RCBTB2: variants seen among roughly 807,000 people sequenced by gnomAD.
RCBTB2 encodes the protein RCC1 and BTB domain containing protein 2, also known as RCC1 and BTB domain-containing protein 2.
Under a neutral mutation model 65.4 loss-of-function variants are expected in RCBTB2, and 55 were observed. That is an observed-to-expected ratio of 0.84 (90% CI 0.68 to 1.05). The LOEUF (loss-of-function observed/expected upper bound fraction) is 1.05. RCBTB2 is among the 50% of genes least tolerant of loss of function. The pLI is 0.00. For missense variants in RCBTB2, 599 were observed against 680.1 expected (o/e 0.88, Z 1.33); for synonymous variants, 220 against 255.2 (o/e 0.86, Z 1.31).
At chr13:48,526,899 G>A (rs951655703) in intron 1 of RCBTB2, among the ~76,000 whole-genome samples, 2 of 152,132 alleles carry the variant, frequency 1.3e-5, no homozygotes, top group African/African-American at 4.8e-5. Context: ...CTGGGTGACA[G>A]AGTGAGACTC....
chr13:48,517,318 G>T (rs1013547386), intron 4 of RCBTB2, among the ~76,000 whole-genome samples: 2 of 152,124 alleles, frequency 1.3e-5, no homozygotes, highest in Non-Finnish European at 1.5e-5. Context: ...ACAAGTAAAT[G>T]AATGGCTGTG....
At chr13:48,522,886 C>T (rs1029438338) in intron 2 of RCBTB2, among the ~76,000 whole-genome samples, 1 of 151,958 alleles carries the variant, frequency 6.6e-6, no homozygotes, top group Non-Finnish European at 1.5e-5. Context: ...AAAATACAGC[C>T]AAGTCTAAAC....
In RCBTB2 at chr13:48,489,501, C is replaced by CT. The variant is rs1011299850; in HGVS notation, c.*609dup. The CT allele has an allele frequency of 1.1e-4, 17 of 152,264 alleles. No homozygotes were observed. The highest frequency in any genetic ancestry group is 4.1e-4 in the African/African-American group (17 of 41,550). The allele number at this position is 152,264 out of a possible 1,614,324, so 9.4% of individuals were successfully genotyped here. On this transcript the variant is annotated 3_prime_UTR_variant, in exon 15 of 15. Coordinates refer to ENST00000344532, the MANE Select transcript of RCBTB2 (RefSeq NM_001268.4). ...GCCTTGACAATTTAATTGCCAGGGCCTTTTGTCAATTCTAAACAATGTTCT... is the reference window on the plus strand; with the variant it reads ...GCCTTGACAATTTAATTGCCAGGGCCTTTTTGTCAATTCTAAACAATGTTCT...
chr13:48,519,259 G>A (rs1018831302), intron 4 of RCBTB2, among the ~76,000 whole-genome samples: 1 of 152,112 alleles, frequency 6.6e-6, no homozygotes, highest in Admixed American at 6.5e-5. Flanking sequence ...ACTCCTTAAG[G>A]AACAGGCAAT....
chr13:48,512,602 C>A, intron 7 of RCBTB2, 127 bp downstream of exon 7: 2 of 812,284 alleles, frequency 2.5e-6, no homozygotes, highest in Non-Finnish European at 3.8e-6. Context: ...TGAATTGCTA[C>A]CAAAAATAAG....
Position 48,521,912 on chromosome 13 carries a change from C to A in RCBTB2, c.28G>T (p.Gly10Ter). 6.2e-7 allele frequency: 1 copy of A among 1,613,734 alleles called. No individual in the cohort carries two copies. Among genetic ancestry groups the A allele is most frequent in the Non-Finnish European group, 8.5e-7 (1 of 1,179,826 alleles). The stretch of plus-strand genomic sequence containing the variant: ...TTTTTTCTAACCTTGCCACTGTCTC[C>A]AGAGAAAAGAGGAAGTTCTTCTTCC... The part of the protein sequence containing the change: MEEELPLFS[G>*]DSGKPVQATL... The change falls in exon 4 of 15, where the codon GGA becomes TGA. Residue 10 changes from glycine (G) to a stop codon, truncating the protein, a stop_gained. Transcript: ENST00000344532. LOFTEE classifies it high-confidence loss of function.
intron 10 of RCBTB2, among the ~76,000 whole-genome samples, chr13:48,508,375 G>GAA (rs1950607848): frequency 6.6e-6 from 1 of 151,962 alleles, no homozygotes; most frequent in South Asian, 2.1e-4. Context: ...ACGGAAAACA[G>GAA]AAAATCAGGA....
At chr13:48,508,104 AC>A (rs1465398294) in intron 10 of RCBTB2, among the ~76,000 whole-genome samples, 1 of 152,142 alleles carries the variant, frequency 6.6e-6, no homozygotes, top group Admixed American at 6.5e-5. Flanking sequence ...AAGAACTGAA[AC>A]CCACCCCACC....
At chr13:48,493,315 A>ACACACTCTCTCTCT (rs759504798) in intron 14 of RCBTB2, among the ~76,000 whole-genome samples, 6 of 75,028 alleles carry the variant, frequency 8.0e-5, no homozygotes, top group South Asian at 5.8e-4. Context: ...ACACACACAC[A>ACACACTCTCTCTCT]CTCTCTCTCT....
chr13:48,508,614 G>T (rs1329965808), intron 10 of RCBTB2, among the ~76,000 whole-genome samples: 1 of 152,142 alleles, frequency 6.6e-6, no homozygotes, highest in Non-Finnish European at 1.5e-5. Flanking sequence ...ATGTTGGCCA[G>T]GCTGGTCTCA....
intron 10 of RCBTB2, among the ~76,000 whole-genome samples, chr13:48,503,530 T>C (rs1382191345): frequency 6.7e-6 from 1 of 148,856 alleles, no homozygotes; most frequent in Non-Finnish European, 1.5e-5. Context: ...GATGAGGAGG[T>C]AATTCTCAGA....
chr13:48,494,376 C>T (rs1949881135), intron 14 of RCBTB2, among the ~76,000 whole-genome samples: 1 of 152,154 alleles, frequency 6.6e-6, no homozygotes, highest in Admixed American at 6.5e-5. Context: ...TACTTATAGT[C>T]TATTATACTA....
chr13:48,512,028 T>C lies in RCBTB2; in HGVS notation c.663A>G (p.Val221=). The change falls in exon 8 of 15, where the codon GTA becomes GTG. Residue 221 remains valine (V), a synonymous_variant. Transcript: ENST00000344532. ...ATAACTTCCTTACCTCCCCCGTGTC[T>C]ACTACTGCCATGCAGCACATCTGCC... ...ACGQMCCMAV[V]DTGEVYVWGY... is the part of the protein sequence containing the mutation. 6.2e-7 allele frequency: 1 copy of C among 1,614,022 alleles called. No homozygotes were observed. The highest frequency in any genetic ancestry group is 8.5e-7 in the Non-Finnish European group (1 of 1,179,866).
At chr13:48,504,324 T>A in intron 10 of RCBTB2, 1 of 985,394 alleles carries the variant, frequency 1.0e-6, no homozygotes, top group African/African-American at 1.7e-5. Context: ...ACACAAGACA[T>A]AACTCCATCC....
chr13:48,515,087 T>C (rs9316388), intron 6 of RCBTB2, 118 bp downstream of exon 6: 224,906 of 909,354 alleles, frequency 0.25, 28,821 homozygotes, highest in South Asian at 0.27. Flanking sequence ...TCATGTTTTA[T>C]GGTATCCAAA....
intron 2 of RCBTB2, among the ~76,000 whole-genome samples, chr13:48,523,728 G>A (rs958994593): frequency 2.0e-5 from 3 of 152,120 alleles, no homozygotes; most frequent in Admixed American, 1.3e-4. Context: ...GCCCCCTTTC[G>A]TTCCTAGCAG....
At chr13:48,500,369 C>G (rs1329718054) in intron 12 of RCBTB2, among the ~76,000 whole-genome samples, 2 of 152,096 alleles carry the variant, frequency 1.3e-5, no homozygotes, top group Admixed American at 1.3e-4. Flanking sequence ...ACCAGCCTGG[C>G]CAATATGGTG....
At chr13:48,521,786 C>A in intron 4 of RCBTB2, 112 bp downstream of exon 4, 1 of 983,190 alleles carries the variant, frequency 1.0e-6, no homozygotes. Context: ...GTGAGCCCCT[C>A]AAAGATAGAT....
At position 48,519,871 on chromosome 13, in the gene RCBTB2, AT is replaced by A. The variant is rs1231090249; in HGVS notation, c.42+2026del. On this transcript the variant is annotated intron_variant, in intron 4 of 14. Transcript: ENST00000344532. ...AAATTTATAAAATGCATGTATTTGC[AT>A]TTTTTGAAGTACATATTTAATACAG... is the stretch of plus-strand genomic sequence containing the variant. Among the ~76,000 whole-genome samples, 24 of 152,272 alleles carry A rather than the reference AT, an allele frequency of 1.6e-4. No individual in the cohort carries two copies. In the South Asian group the frequency reaches 4.6e-3, roughly 29 times the overall value.
Sources: gnomAD v4.1 joint callset for allele counts (sites outside exome capture counted in the v4.1 genomes callset) on GRCh38, gnomAD v4.1.1 for gene constraint, MANE v1.5 for transcripts, NCBI Gene and HGNC (gene_info 2026-07-23, HGNC 2026-07-21) for gene names.